The following DOCK1 variants were observed in gnomAD, a reference collection of about 807,000 sequenced individuals.
The protein encoded by DOCK1 is dedicator of cytokinesis 1, also known as dedicator of cytokinesis protein 1.
DOCK1 carries 138 observed loss-of-function variants against 262.7 expected under a neutral mutation model. The ratio of observed to expected loss-of-function variants is 0.53; its 90% CI spans 0.46 to 0.61. DOCK1 has a LOEUF of 0.61. Ranked by LOEUF, DOCK1 falls within the 20% of genes least tolerant of loss-of-function variation. DOCK1 has a pLI of 0.00. For missense variants in DOCK1, 1,908 were observed against 2,370.7 expected, an observed-to-expected ratio of 0.80 and a Z score of 4.05; for synonymous variants, 866 against 867.4, an observed-to-expected ratio of 1.00 and a Z score of 0.03.
Position 127,175,691 on chromosome 10 carries a change from T to C in DOCK1, c.2847+47927T>C. The C allele has an allele frequency of 6.2e-7, 1 of 1,613,882 alleles. No individual in the cohort carries two copies. The highest frequency in any genetic ancestry group is 8.5e-7 in the Non-Finnish European group (1 of 1,179,976). Reference sequence around the variant, plus strand: ...CAGGTGGAGCGGGCTCCTCGGAGTTTGGCCTCCCCCGGTCCTGCTTGGCCC... The same window carrying C: ...CAGGTGGAGCGGGCTCCTCGGAGTTCGGCCTCCCCCGGTCCTGCTTGGCCC... On this transcript the variant is annotated intron_variant, in intron 27 of 51. Coordinates refer to ENST00000623213, the MANE Select transcript of DOCK1 (RefSeq NM_001290223.2). This position sits in a 1 kb window ranked among gnomAD's most constrained non-coding sequence, Gnocchi z 6.3.
At chr10:127,268,076 A>G (rs571076584) in intron 29 of DOCK1, among the ~76,000 whole-genome samples, 1 of 152,302 alleles carries the variant, frequency 6.6e-6, no homozygotes, top group South Asian at 2.1e-4. Context: ...TTTAGTGGGT[A>G]GAAACCAGGG....
At position 127,403,319 on chromosome 10, in the gene DOCK1, C is replaced by A. The variant is rs114818503; in HGVS notation, c.4017+175C>A. On this transcript the variant is annotated intron_variant, in intron 39 of 51. Coordinates refer to ENST00000623213, the MANE Select transcript of DOCK1 (RefSeq NM_001290223.2). ...AGTTAATTTGCTGGTTGATATTTGG[C>A]CCATAAATATTTACTTTTTAGTCCC... Among the ~76,000 whole-genome samples, 499 of 152,266 alleles carry A rather than the reference C, an allele frequency of 3.3e-3. 2 individuals are homozygous for A. Among genetic ancestry groups the A allele is most frequent in the African/African-American group, 0.012 (479 of 41,554 alleles).
chr10:127,138,635 A>G (rs185573881), intron 27 of DOCK1, among the ~76,000 whole-genome samples: 18 of 152,306 alleles, frequency 1.2e-4, no homozygotes, highest in Admixed American at 1.2e-3. Context: ...CTCCGCCATT[A>G]CTAACCACAG....
chr10:127,178,553 T>G (rs1271226540), intron 27 of DOCK1, among the ~76,000 whole-genome samples: 1 of 152,180 alleles, frequency 6.6e-6, no homozygotes, highest in Non-Finnish European at 1.5e-5. Context: ...GCATTAGCCC[T>G]TGCACCTCTG....
intron 10 of DOCK1, among the ~76,000 whole-genome samples, chr10:127,008,159 G>A (rs1227772971): frequency 6.6e-6 from 1 of 152,158 alleles, no homozygotes; most frequent in Admixed American, 6.5e-5. Flanking sequence ...GGGCAGTGGT[G>A]TGAATTCTGT....
At position 127,439,232 on chromosome 10, in the gene DOCK1, C is replaced by T. The variant is rs370340984; in HGVS notation, c.5259+7C>T. The T allele has an allele frequency of 1.0e-5, 16 of 1,604,776 alleles. No homozygotes were observed. The highest frequency in any genetic ancestry group is 3.4e-5 in the Admixed American group (2 of 58,844). On this transcript the variant is annotated splice_region_variant and intron_variant, in intron 49 of 51. Transcript: ENST00000623213. ...TGTGATCCTTTCGGAAACGGTAACC[C>T]GACAGGGTATCTTTCCTCGCTCTGC...
chr10:127,021,965 G>C (rs974193756), intron 13 of DOCK1, among the ~76,000 whole-genome samples: 1 of 152,160 alleles, frequency 6.6e-6, no homozygotes, highest in African/African-American at 2.4e-5. Flanking sequence ...GAGAGCGGGT[G>C]GTCAGGGCGT....
intron 1 of DOCK1, among the ~76,000 whole-genome samples, chr10:126,963,314 T>A (rs1054128177): frequency 6.6e-6 from 1 of 152,136 alleles, no homozygotes; most frequent in Non-Finnish European, 1.5e-5. Context: ...CAATATTAAG[T>A]CTCCCACTCC....
chr10:127,138,108 AGT>A, intron 27 of DOCK1: 1 of 1,163,260 alleles, frequency 8.6e-7, no homozygotes, highest in South Asian at 1.6e-5. Context: ...GGGCATGATC[AGT>A]GTGTGTTTGT....
chr10:127,231,904 G>A (rs1283392603), intron 27 of DOCK1, among the ~76,000 whole-genome samples: 1 of 152,094 alleles, frequency 6.6e-6, no homozygotes, highest in African/African-American at 2.4e-5. Context: ...GAGACAGTTC[G>A]TGTGTCACCT....
intron 28 of DOCK1, among the ~76,000 whole-genome samples, chr10:127,255,511 G>C (rs1317181204): frequency 2.0e-5 from 3 of 152,200 alleles, no homozygotes; most frequent in Non-Finnish European, 4.4e-5. Context: ...GAACAGTCCG[G>C]TAAGCCTCAT....
At chr10:127,214,443 A>AT (rs1385800754) in intron 27 of DOCK1, among the ~76,000 whole-genome samples, 5 of 152,082 alleles carry the variant, frequency 3.3e-5, no homozygotes, top group African/African-American at 1.2e-4. Flanking sequence ...AACAATATAT[A>AT]TTTTTCCATG....
At chr10:127,384,312 C>T (rs1452160924) in intron 37 of DOCK1, among the ~76,000 whole-genome samples, 1 of 152,158 alleles carries the variant, frequency 6.6e-6, no homozygotes. Flanking sequence ...TTGCCTATGG[C>T]TGATGGTGCA....
intron 27 of DOCK1, among the ~76,000 whole-genome samples, chr10:127,195,096 C>T (rs2057015595): frequency 6.6e-6 from 1 of 152,224 alleles, no homozygotes; most frequent in Non-Finnish European, 1.5e-5. Context: ...GCTCCCTCTC[C>T]CTGTGGCATA....
intron 29 of DOCK1, among the ~76,000 whole-genome samples, chr10:127,261,696 T>G (rs1293342148): frequency 1.4e-5 from 2 of 142,540 alleles, no homozygotes; most frequent in Non-Finnish European, 3.0e-5. Context: ...CATGTGGGTG[T>G]GCGTGTACCT....
rs73380456 is a variant in DOCK1, at chr10:127,210,519, G to A, written c.2848-37489G>A. 8.8e-3 allele frequency among the ~76,000 whole-genome samples: 1,337 copies of A among 152,346 alleles called. 13 individuals are homozygous for A. The highest frequency in any genetic ancestry group is 0.03 in the African/African-American group (1,253 of 41,584). ...GAGCCCGGGAAACCAGGAAATGCAC[G>A]TCTACCAGGAGCCGAAGCAGAGGGG... is the stretch of plus-strand genomic sequence containing the variant. On this transcript the variant is annotated intron_variant, in intron 27 of 51. Transcript: ENST00000623213.
intron 33 of DOCK1, among the ~76,000 whole-genome samples, chr10:127,368,826 G>A (rs1164485998): frequency 6.6e-6 from 1 of 151,962 alleles, no homozygotes; most frequent in Non-Finnish European, 1.5e-5. Context: ...TTCCCTCCTG[G>A]CATCTTTTTA....
chr10:127,166,097 G>T (rs1459704947), intron 27 of DOCK1, among the ~76,000 whole-genome samples: 3 of 151,906 alleles, frequency 2.0e-5, no homozygotes, highest in Non-Finnish European at 2.9e-5. Flanking sequence ...ACAGAGTCTC[G>T]CTCTGTAGCG....
chr10:126,919,506 G>A (rs1334247647), intron 1 of DOCK1, among the ~76,000 whole-genome samples: 1 of 152,154 alleles, frequency 6.6e-6, no homozygotes, highest in African/African-American at 2.4e-5. Context: ...TATTCTTGGG[G>A]GTTGTTGCTT....
Sources: allele counts gnomAD v4.1 joint callset (sites outside exome capture counted in the v4.1 genomes callset), GRCh38; gene constraint gnomAD v4.1.1; non-coding constraint Gnocchi (gnomAD v3.1); transcripts MANE v1.5; gene names NCBI Gene and HGNC (gene_info 2026-07-23, HGNC 2026-07-21).